IQCH: variants seen among roughly 807,000 people sequenced by gnomAD.
IQCH encodes the protein IQ motif containing H.
A neutral mutation model predicts 117.0 loss-of-function variants in IQCH; 98 were observed. That is an observed-to-expected ratio of 0.84 (90% CI 0.71 to 0.99). The LOEUF (loss-of-function observed/expected upper bound fraction) is 0.99, where lower values mean the gene tolerates loss of function less well. Ranked by LOEUF, IQCH falls within the 50% of genes least tolerant of loss-of-function variation. The probability of loss-of-function intolerance (pLI) is 0.00; values close to 1 mark genes in which losing one functional copy is unlikely to be tolerated. For synonymous variants in IQCH, 412 were observed against 448.2 expected, an observed-to-expected ratio of 0.92 and a Z score of 1.02; for missense variants, 1,102 against 1,243.8, an observed-to-expected ratio of 0.89 and a Z score of 1.72.
At position 67,357,432 on chromosome 15, in the gene IQCH, TC is replaced by T; in HGVS notation, c.714+13del. The T allele has an allele frequency of 6.6e-7, 1 of 1,516,344 alleles. No homozygotes were observed. The highest frequency in any genetic ancestry group is 9.2e-7 in the Non-Finnish European group (1 of 1,090,810). The allele number at this position is 1,516,344 out of a possible 1,614,324, so 93.9% of individuals were successfully genotyped here. A position where few individuals can be genotyped will look rare whatever the true frequency, so the allele number is the denominator to read the frequency against. On this transcript the variant is annotated intron_variant, in intron 7 of 20. Transcript: ENST00000335894. ...AAACAAAGATCAAAGGTATTTATATTCCTCACTATAGAAAGAAAATTATTCT... is the reference window on the plus strand; with the variant it reads ...AAACAAAGATCAAAGGTATTTATATTCTCACTATAGAAAGAAAATTATTCT...
At chr15:67,341,694 A>G (rs1969183649) in intron 5 of IQCH, among the ~76,000 whole-genome samples, 1 of 152,178 alleles carries the variant, frequency 6.6e-6, no homozygotes, top group Admixed American at 6.5e-5. Context: ...TATAAAATGA[A>G]CACATGTCAA....
In IQCH at chr15:67,277,528, A is replaced by G. The variant is rs566802790; in HGVS notation, c.270-1867A>G. ...TTGGCATCTGAGAGTTTCCTCCAGT[A>G]TCTTTTTTTTTTTTTTTTTTTTTTA... is the stretch of plus-strand genomic sequence containing the variant. On this transcript the variant is annotated intron_variant, in intron 3 of 20. Coordinates refer to ENST00000335894, the MANE Select transcript of IQCH (RefSeq NM_001031715.3). Among the ~76,000 whole-genome samples, 16 of 118,550 alleles carry G rather than the reference A, an allele frequency of 1.3e-4. No homozygotes were observed. In the East Asian group the frequency reaches 4.0e-3, roughly 30 times the overall value. 77.8% of individuals were successfully genotyped at this position (118,550 alleles called of 152,430 possible).
At chr15:67,498,894 A>G (rs2083900130) in intron 20 of IQCH, among the ~76,000 whole-genome samples, 1 of 152,246 alleles carries the variant, frequency 6.6e-6, no homozygotes, top group Non-Finnish European at 1.5e-5. Flanking sequence ...CTGGTAAGGC[A>G]TAGTATTCAC....
chr15:67,375,158 G>T (rs180915719), intron 10 of IQCH, among the ~76,000 whole-genome samples: 5 of 152,308 alleles, frequency 3.3e-5, no homozygotes, highest in Non-Finnish European at 7.4e-5. Context: ...AATTTCAAAA[G>T]GGCTTACTGA....
At chr15:67,279,222 A>C (rs562928895) in intron 3 of IQCH, among the ~76,000 whole-genome samples, 173 bp from the exon 4 acceptor site, 3 of 152,320 alleles carry the variant, frequency 2.0e-5, no homozygotes, top group African/African-American at 7.2e-5. Flanking sequence ...TAATAAAACA[A>C]CTGCAGTTTT....
chr15:67,279,722 G>C (rs560828704), intron 4 of IQCH, among the ~76,000 whole-genome samples: 1 of 152,268 alleles, frequency 6.6e-6, no homozygotes, highest in South Asian at 2.1e-4. Flanking sequence ...GTGAATTTTG[G>C]CTGGGTGCAG....
intron 14 of IQCH, among the ~76,000 whole-genome samples, chr15:67,402,184 T>G (rs1326864247): frequency 1.3e-5 from 2 of 152,254 alleles, no homozygotes; most frequent in East Asian, 3.8e-4. Context: ...GTTGTTAATG[T>G]TATTAAATGC....
Position 67,376,225 on chromosome 15 carries a change from C to T in IQCH, c.1372+2792C>T, listed in dbSNP as rs1436954930. ...ATATAGGGTACCCTTTTTTTGTGTACCACATCCCTGGGAGTCCTTAAAGAA... is the reference window on the plus strand; with the variant it reads ...ATATAGGGTACCCTTTTTTTGTGTATCACATCCCTGGGAGTCCTTAAAGAA... On this transcript the variant is annotated intron_variant, in intron 10 of 20. Transcript: ENST00000335894. This position sits in a 1 kb window ranked among gnomAD's most constrained non-coding sequence, Gnocchi z 5.0. Among the ~76,000 whole-genome samples, 1 of 151,764 alleles carries T rather than the reference C, an allele frequency of 6.6e-6. No homozygotes were observed. Among genetic ancestry groups the T allele is most frequent in the Non-Finnish European group, 1.5e-5 (1 of 67,896 alleles).
At chr15:67,341,379 A>G (rs1254475112) in intron 5 of IQCH, among the ~76,000 whole-genome samples, 1 of 152,238 alleles carries the variant, frequency 6.6e-6, no homozygotes, top group Non-Finnish European at 1.5e-5. Flanking sequence ...ATTCTCTATA[A>G]GACATTAGAT....
In IQCH at chr15:67,491,423, A is replaced by G. The variant is rs897885173; in HGVS notation, c.2861+1359A>G. On this transcript the variant is annotated intron_variant, in intron 19 of 20. Coordinates refer to ENST00000335894, the MANE Select transcript of IQCH (RefSeq NM_001031715.3). This position sits in a 1 kb window ranked among gnomAD's most constrained non-coding sequence, Gnocchi z 4.9. ...AATGTTCTGGTTTCTTCTCCCTTGC[A>G]ACTAGAATGTGGCTACAATTTAATC... 2.0e-5 allele frequency among the ~76,000 whole-genome samples: 3 copies of G among 152,178 alleles called. No homozygotes were observed. Among genetic ancestry groups the G allele is most frequent in the African/African-American group, 4.8e-5 (2 of 41,444 alleles).
rs566012565 is a variant in IQCH, at chr15:67,326,602, A to G, written c.388-10373A>G. 3.4e-4 allele frequency among the ~76,000 whole-genome samples: 51 copies of G among 152,134 alleles called. 1 individual carries two copies. The highest frequency in any genetic ancestry group is 1.4e-3 in the Admixed American group (21 of 15,276). On this transcript the variant is annotated intron_variant, in intron 4 of 20. Transcript: ENST00000335894. ...CCACCAGCGGTGTAAGGGTGTTCCTATTTCTCCACATCCTCTCCAGCCCCT... is the reference window on the plus strand; with the variant it reads ...CCACCAGCGGTGTAAGGGTGTTCCTGTTTCTCCACATCCTCTCCAGCCCCT...
chr15:67,280,837 GTTATTATTATTA>G (rs61573874), intron 4 of IQCH, among the ~76,000 whole-genome samples: 3 of 125,056 alleles, frequency 2.4e-5, no homozygotes, highest in South Asian at 2.4e-4. Flanking sequence ...AGAAGGAGGT[GTTATTATTATTA>G]TTATTATTAT....
intron 15 of IQCH, among the ~76,000 whole-genome samples, chr15:67,420,449 T>C (rs1354912750): frequency 6.6e-6 from 1 of 152,240 alleles, no homozygotes; most frequent in Non-Finnish European, 1.5e-5. Context: ...CTTTGTTGTT[T>C]TTACTTTTAA....
intron 10 of IQCH, among the ~76,000 whole-genome samples, chr15:67,383,666 T>C (rs1359832939): frequency 2.6e-5 from 4 of 152,230 alleles, no homozygotes; most frequent in Non-Finnish European, 5.9e-5. Flanking sequence ...AGTTACAATA[T>C]TGCAGTCACA....
chr15:67,308,481 A>G (rs1596149645), intron 4 of IQCH, among the ~76,000 whole-genome samples: 1 of 152,304 alleles, frequency 6.6e-6, no homozygotes, highest in South Asian at 2.1e-4. Flanking sequence ...CTTTAAAGAC[A>G]TTCTGAAATG....
chr15:67,379,671 A>C (rs1356422334), intron 10 of IQCH, among the ~76,000 whole-genome samples: 5 of 152,058 alleles, frequency 3.3e-5, no homozygotes. Flanking sequence ...GTGAGTTCTC[A>C]CAAGAGCCGA....
Position 67,391,083 on chromosome 15 carries a change from A to G in IQCH, c.1632+2077A>G, listed in dbSNP as rs955111907. Among the ~76,000 whole-genome samples the G allele has an allele frequency of 2.1e-4, 32 of 152,268 alleles. No individual in the cohort carries two copies. Among genetic ancestry groups the G allele is most frequent in the African/African-American group, 7.0e-4 (29 of 41,556 alleles). ...TCATTTCAGAGTCATCTTCAACTCT[A>G]TCATCCTATTACCTGAGAACCATAC... On this transcript the variant is annotated intron_variant, in intron 12 of 20. Coordinates refer to ENST00000335894, the MANE Select transcript of IQCH (RefSeq NM_001031715.3). The surrounding 1 kb of genome is among the most constrained non-coding windows in gnomAD (Gnocchi z 4.3).
intron 4 of IQCH, among the ~76,000 whole-genome samples, chr15:67,302,631 G>A (rs1967101703): frequency 6.6e-6 from 1 of 152,190 alleles, no homozygotes; most frequent in African/African-American, 2.4e-5. Flanking sequence ...GGCTAAGGCA[G>A]GTGGATCACG....
At chr15:67,434,571 G>C (rs1020333589) in intron 16 of IQCH, among the ~76,000 whole-genome samples, 2 of 152,196 alleles carry the variant, frequency 1.3e-5, no homozygotes, top group Non-Finnish European at 2.9e-5. Flanking sequence ...GGACACGGCA[G>C]TGCAGATATC....
Sources: gnomAD v4.1 joint callset for allele counts (sites outside exome capture counted in the v4.1 genomes callset) on GRCh38, gnomAD v4.1.1 for gene constraint, Gnocchi (gnomAD v3.1) non-coding constraint, MANE v1.5 for transcripts, NCBI Gene and HGNC (gene_info 2026-07-23, HGNC 2026-07-21) for gene names.